Variants in VPS13D observed in about 807,000 individuals in gnomAD.
The protein encoded by VPS13D is vacuolar protein sorting 13 homolog D.
In VPS13D, 187 loss-of-function variants were observed where a neutral mutation model predicts 461.9. The observed-to-expected ratio is 0.40, with a 90% CI of 0.36 to 0.46. The LOEUF is 0.46. Among genes scored for constraint, VPS13D ranks in the 20% least tolerant of loss-of-function variants. The pLI is 0.60. For missense variants in VPS13D, 4,711 were observed against 5,364.9 expected, an observed-to-expected ratio of 0.88 and a Z score of 3.81; for synonymous variants, 1,951 against 1,986.3, an observed-to-expected ratio of 0.98 and a Z score of 0.47.
chr1:12,481,885 C>T (rs896656650), intron 67 of VPS13D, among the ~76,000 whole-genome samples: 2 of 152,296 alleles, frequency 1.3e-5, no homozygotes, highest in African/African-American at 4.8e-5. Flanking sequence ...AGAGCTTTTG[C>T]CCATTCATTG....
chr1:12,492,693 T>C (rs1438706155), intron 67 of VPS13D, among the ~76,000 whole-genome samples: 1 of 152,230 alleles, frequency 6.6e-6, no homozygotes, highest in African/African-American at 2.4e-5. Context: ...GGAATGTTCA[T>C]AATAGCATCA....
At chr1:12,346,346 C>A (rs78861416) in intron 43 of VPS13D, among the ~76,000 whole-genome samples, 8,156 of 152,240 alleles carry the variant, frequency 0.054, 322 homozygotes, top group Admixed American at 0.12. Context: ...CTAGTAATGA[C>A]AGGACCAGTT....
At chr1:12,254,554 C>A (rs897695976) in intron 7 of VPS13D, among the ~76,000 whole-genome samples, 1 of 112,962 alleles carries the variant, frequency 8.9e-6, no homozygotes, top group Non-Finnish European at 1.7e-5. Flanking sequence ...GATGGAGTCT[C>A]GCTCTGTCAC....
At chr1:12,393,671 A>G (rs1255390328) in intron 60 of VPS13D, among the ~76,000 whole-genome samples, 2 of 152,196 alleles carry the variant, frequency 1.3e-5, no homozygotes, top group Non-Finnish European at 2.9e-5. Flanking sequence ...CAATCCCTCC[A>G]GGGATGTGAT....
At chr1:12,385,420 T>G in intron 59 of VPS13D, 47 bp downstream of exon 59, 1 of 1,510,486 alleles carries the variant, frequency 6.6e-7, no homozygotes, top group Non-Finnish European at 9.0e-7. Context: ...ATCAGTTTTT[T>G]AGAATTTTAC....
chr1:12,497,841 C>T (rs983327999), intron 68 of VPS13D, among the ~76,000 whole-genome samples: 6 of 152,218 alleles, frequency 3.9e-5, no homozygotes, highest in African/African-American at 1.2e-4. Flanking sequence ...CAACTGTGTG[C>T]CATAGCCTGG....
chr1:12,423,946 T>A (rs1644893197), intron 65 of VPS13D, among the ~76,000 whole-genome samples: 1 of 152,252 alleles, frequency 6.6e-6, no homozygotes, highest in African/African-American at 2.4e-5. Flanking sequence ...AGTGAGTCCC[T>A]GCATGGATTC....
At chr1:12,506,524 G>A (rs1405675668) in intron 68 of VPS13D, among the ~76,000 whole-genome samples, 3 of 152,116 alleles carry the variant, frequency 2.0e-5, no homozygotes, top group East Asian at 1.9e-4. Context: ...CCCCAGCTGC[G>A]TCTTCTCGCC....
chr1:12,329,299 C>T (rs1013849473), intron 36 of VPS13D, among the ~76,000 whole-genome samples: 12 of 152,016 alleles, frequency 7.9e-5, no homozygotes, highest in East Asian at 1.9e-4. Context: ...CTGCAACCTC[C>T]GCCTCCCGGG....
intron 67 of VPS13D, among the ~76,000 whole-genome samples, chr1:12,469,628 G>A (rs887294128): frequency 1.3e-5 from 2 of 152,212 alleles, no homozygotes; most frequent in Non-Finnish European, 2.9e-5. Flanking sequence ...GGACTAAACC[G>A]TAGGAGCCGC....
intron 63 of VPS13D, among the ~76,000 whole-genome samples, chr1:12,406,033 T>A (rs1644649494): frequency 1.3e-5 from 2 of 152,228 alleles, no homozygotes; most frequent in Non-Finnish European, 2.9e-5. Context: ...GAATGTTTCA[T>A]CTGGCACTGA....
chr1:12,374,528 G>T (rs1275945040), intron 55 of VPS13D, among the ~76,000 whole-genome samples: 1 of 152,130 alleles, frequency 6.6e-6, no homozygotes, highest in Non-Finnish European at 1.5e-5. Context: ...AAGGTGTGTG[G>T]TAGCCTTTTC....
chr1:12,311,522 A>T lies in VPS13D; in HGVS notation c.6719A>T (p.Asp2240Val). 6.2e-7 allele frequency: 1 copy of T among 1,614,126 alleles called. No individual in the cohort carries two copies. The highest frequency in any genetic ancestry group is 2.2e-5 in the East Asian group (1 of 44,870). The change falls in exon 28 of 70, where the codon GAT (aspartate) becomes GTT (valine). Residue 2240 changes from aspartate to valine, a missense_variant. Asp to Val is a radical substitution (Grantham distance 152, BLOSUM62 -3). Transcript: ENST00000620676. ...GNLSSVHCSL[D>V]LYKYKLIRGL... ...CTCTCCTCAGTCCACTGCTCTCTGG[A>T]TCTGTATAAATACAAGCTGATCCGC...
chr1:12,479,883 G>A (rs1035645750), intron 67 of VPS13D, among the ~76,000 whole-genome samples: 5 of 152,164 alleles, frequency 3.3e-5, no homozygotes, highest in African/African-American at 9.7e-5. Context: ...CCCACAATGC[G>A]AATGAAGGGT....
intron 60 of VPS13D, among the ~76,000 whole-genome samples, chr1:12,389,310 T>G (rs1644391967): frequency 6.6e-6 from 1 of 152,206 alleles, no homozygotes; most frequent in Non-Finnish European, 1.5e-5. Context: ...GATCAATACT[T>G]TGTATCCTTC....
At chr1:12,468,443 C>T (rs1356414956) in intron 67 of VPS13D, among the ~76,000 whole-genome samples, 1 of 152,182 alleles carries the variant, frequency 6.6e-6, no homozygotes, top group East Asian at 1.9e-4. Flanking sequence ...AGTTCAGCTC[C>T]CCTGCTCCCA....
intron 46 of VPS13D, among the ~76,000 whole-genome samples, chr1:12,353,391 G>T (rs1035527117): frequency 1.7e-4 from 26 of 151,946 alleles, no homozygotes; most frequent in African/African-American, 6.3e-4. Flanking sequence ...AAATTAGCTG[G>T]ACGTGGTGGT....
At chr1:12,250,465 A>G (rs1041799049) in intron 6 of VPS13D, among the ~76,000 whole-genome samples, 1 of 152,208 alleles carries the variant, frequency 6.6e-6, no homozygotes, top group African/African-American at 2.4e-5. Flanking sequence ...AAGACCAAAT[A>G]TATTTCATGT....
intron 17 of VPS13D, among the ~76,000 whole-genome samples, chr1:12,272,573 T>G (rs1641480461): frequency 6.6e-6 from 1 of 152,172 alleles, no homozygotes; most frequent in Admixed American, 6.5e-5. Flanking sequence ...TGAATTGGTG[T>G]GTTATTTATA....
Sources: allele counts gnomAD v4.1 joint callset (sites outside exome capture counted in the v4.1 genomes callset), GRCh38; gene constraint gnomAD v4.1.1; transcripts MANE v1.5; gene names NCBI Gene and HGNC (gene_info 2026-07-23, HGNC 2026-07-21).